The following MAST4 variants were observed in gnomAD, a reference collection of about 807,000 sequenced individuals.
MAST4 encodes the protein microtubule-associated serine/threonine-protein kinase 4.
In MAST4, 89 loss-of-function variants were observed where a neutral mutation model predicts 162.7. The observed-to-expected ratio is 0.55, with a 90% CI of 0.46 to 0.65. MAST4 has a LOEUF of 0.65. Among genes scored for constraint, MAST4 ranks in the 30% least tolerant of loss-of-function variants. The probability of loss-of-function intolerance (pLI) is 0.00; values close to 1 mark genes in which losing one functional copy is unlikely to be tolerated. For synonymous variants in MAST4, 1,479 were observed against 1,361.1 expected (o/e 1.09, Z -1.91); for missense variants, 3,153 against 3,374.0 (o/e 0.93, Z 1.62).
chr5:66,665,612 G>A (rs1343149875), intron 1 of MAST4, among the ~76,000 whole-genome samples: 2 of 152,100 alleles, frequency 1.3e-5, no homozygotes, highest in Admixed American at 6.6e-5. Context: ...CAGTATGGAG[G>A]CACTTAGGAC....
intron 3 of MAST4, among the ~76,000 whole-genome samples, chr5:66,805,561 CT>C (rs1756144526): frequency 6.6e-6 from 1 of 152,118 alleles, no homozygotes; most frequent in Non-Finnish European, 1.5e-5. Flanking sequence ...ACTGCAGCTA[CT>C]TTTATATAGT....
At chr5:66,974,002 G>T (rs944915955) in intron 4 of MAST4, among the ~76,000 whole-genome samples, 3 of 152,078 alleles carry the variant, frequency 2.0e-5, no homozygotes, top group Non-Finnish European at 4.4e-5. Context: ...TCTGGCACAG[G>T]ATGTTCTAGC....
chr5:66,905,267 C>T lies in MAST4; in HGVS notation c.674+5285C>T, dbSNP rs539863374. ...GGTTGCAGTGAGCCGAGATCGCGCC[C>T]ACGCCAGCCTGGGCAACAGAGTGAA... On this transcript the variant is annotated intron_variant, in intron 4 of 28. Transcript: ENST00000403625. 2.4e-4 allele frequency among the ~76,000 whole-genome samples: 35 copies of T among 143,508 alleles called. 1 individual carries two copies. The South Asian group carries it at 7.7e-3, about 32-fold the overall frequency. The allele number at this position is 143,508 out of a possible 152,430, so 94.1% of individuals were successfully genotyped here.
chr5:66,919,099 AACACACACACACAC>A (rs56340246), intron 4 of MAST4, among the ~76,000 whole-genome samples: 79 of 142,302 alleles, frequency 5.6e-4, no homozygotes, highest in Admixed American at 3.4e-3. Context: ...CGAGACTCTC[AACACACACACACAC>A]ACACACACAC....
intron 2 of MAST4, among the ~76,000 whole-genome samples, chr5:66,785,169 T>C (rs181132944): frequency 2.0e-5 from 3 of 152,302 alleles, no homozygotes; most frequent in African/African-American, 7.2e-5. Flanking sequence ...AGGCAGAGGT[T>C]GCAGTGAGCT....
intron 3 of MAST4, among the ~76,000 whole-genome samples, chr5:66,815,939 A>G (rs1253159411): frequency 6.6e-6 from 1 of 152,148 alleles, no homozygotes. Flanking sequence ...AGAAACCTCA[A>G]GGAGGAAAAG....
chr5:67,096,087 G>C (rs1345674159), intron 7 of MAST4, among the ~76,000 whole-genome samples: 1 of 149,818 alleles, frequency 6.7e-6, no homozygotes, highest in Non-Finnish European at 1.5e-5. Context: ...GTTTTGTTTT[G>C]TTTTCTTTCT....
chr5:66,866,793 C>A (rs1261028305), intron 3 of MAST4, among the ~76,000 whole-genome samples: 1 of 152,234 alleles, frequency 6.6e-6, no homozygotes, highest in African/African-American at 2.4e-5. Flanking sequence ...CCCCATCATC[C>A]AGGCTGGAGT....
chr5:66,777,421 C>T (rs947037317), intron 2 of MAST4, among the ~76,000 whole-genome samples: 2 of 152,148 alleles, frequency 1.3e-5, no homozygotes, highest in African/African-American at 2.4e-5. Context: ...TTGGTATCAT[C>T]GCCATTGTAC....
intron 5 of MAST4, among the ~76,000 whole-genome samples, chr5:67,084,672 G>A (rs572119331): frequency 6.6e-6 from 1 of 152,168 alleles, no homozygotes; most frequent in African/African-American, 2.4e-5. Flanking sequence ...ATGGAATATT[G>A]TCTGCCTATT....
intron 4 of MAST4, chr5:67,003,738 C>T (rs909129221): frequency 1.1e-4 from 17 of 152,168 alleles, no homozygotes; most frequent in Non-Finnish European, 2.9e-5. Flanking sequence ...ATTCAGCCCC[C>T]TTCATTCTGC....
chr5:66,986,314 C>T (rs750515481), intron 4 of MAST4: 27 of 527,676 alleles, frequency 5.1e-5, no homozygotes, highest in African/African-American at 8.0e-5. Context: ...TGAGCCCAAG[C>T]GGGACTTGAC....
intron 4 of MAST4, among the ~76,000 whole-genome samples, chr5:67,051,713 G>A (rs1447263460): frequency 6.6e-6 from 1 of 152,082 alleles, no homozygotes; most frequent in African/African-American, 2.4e-5. Context: ...CAAGATATAG[G>A]TATTTGGGAA....
intron 4 of MAST4, among the ~76,000 whole-genome samples, chr5:67,053,888 G>A (rs1758476437): frequency 1.3e-5 from 2 of 152,152 alleles, no homozygotes; most frequent in South Asian, 4.1e-4. Flanking sequence ...CCATATACAA[G>A]ATGAAAAATG....
chr5:66,950,355 T>C (rs1317584751), intron 4 of MAST4, among the ~76,000 whole-genome samples: 2 of 152,116 alleles, frequency 1.3e-5, no homozygotes, highest in African/African-American at 4.8e-5. Flanking sequence ...TAAGTATCAC[T>C]GCCATGCATC....
At chr5:66,711,622 G>C (rs1750500686) in intron 1 of MAST4, among the ~76,000 whole-genome samples, 1 of 152,136 alleles carries the variant, frequency 6.6e-6, no homozygotes, top group East Asian at 1.9e-4. Flanking sequence ...ATCACTTGAG[G>C]TCAGGAGTTT....
At chr5:66,736,406 T>C (rs1375631348) in intron 1 of MAST4, among the ~76,000 whole-genome samples, 1 of 149,262 alleles carries the variant, frequency 6.7e-6, no homozygotes, top group Non-Finnish European at 1.5e-5. Flanking sequence ...CACACACAAC[T>C]GGAGCTGTAG....
intron 19 of MAST4, among the ~76,000 whole-genome samples, chr5:67,137,188 TC>T (rs1477299270): frequency 6.6e-6 from 1 of 152,218 alleles, no homozygotes; most frequent in African/African-American, 2.4e-5. Flanking sequence ...GTCACAGTGA[TC>T]AGCACCGTGA....
chr5:67,035,981 A>C (rs930710365), intron 4 of MAST4, among the ~76,000 whole-genome samples: 1 of 151,994 alleles, frequency 6.6e-6, no homozygotes, highest in African/African-American at 2.4e-5. Context: ...AAGCTTACCC[A>C]TTGCACTCCC....
Sources: gnomAD v4.1 joint callset for allele counts (sites outside exome capture counted in the v4.1 genomes callset) on GRCh38, gnomAD v4.1.1 for gene constraint, MANE v1.5 for transcripts, NCBI Gene and HGNC (gene_info 2026-07-23, HGNC 2026-07-21) for gene names.